The following USP50 variants were observed in gnomAD, a reference collection of about 807,000 sequenced individuals.
USP50 encodes ubiquitin specific peptidase 50, also known as ubiquitin carboxyl-terminal hydrolase 50.
USP50 carries 37 observed loss-of-function variants against 39.2 expected under a neutral mutation model. The ratio of observed to expected loss-of-function variants is 0.94; its 90% CI spans 0.73 to 1.24. USP50 has a LOEUF of 1.24. USP50 is among the 50% of genes most tolerant of loss of function. The probability of loss-of-function intolerance (pLI) is 0.00; values close to 1 mark genes in which losing one functional copy is unlikely to be tolerated. For synonymous variants in USP50, 139 were observed against 144.5 expected (o/e 0.96, Z 0.27); for missense variants, 374 against 398.2 (o/e 0.94, Z 0.52).
chr15:50,498,844 C>T (rs1351203409), downstream of USP50: 28 of 1,549,960 alleles, frequency 1.8e-5, 1 homozygote, highest in East Asian at 9.1e-5. Context: ...AAACTATTGG[C>T]GTATTTTAAA....
chr15:50,505,991 G>A (rs1259364395), intron 6 of USP50: 1 of 152,276 alleles, frequency 6.6e-6, no homozygotes, highest in Non-Finnish European at 1.5e-5. Flanking sequence ...CAGTAGTTCA[G>A]TGATCAGAAT....
intron 6 of USP50, chr15:50,508,416 G>C (rs1251972622): frequency 6.6e-6 from 1 of 152,166 alleles, no homozygotes. Context: ...ATGCATGGCG[G>C]TTTGTTATGC....
Position 50,541,081 on chromosome 15 carries a change from G to T in USP50, c.628C>A (p.Pro210Thr). 1 of 1,613,870 alleles carries T rather than the reference G, an allele frequency of 6.2e-7. No homozygotes were observed. The highest frequency in any genetic ancestry group is 8.5e-7 in the Non-Finnish European group (1 of 1,179,812). The change falls in exon 4 of 7, where the codon CCC becomes ACC. Residue 210 changes from proline to threonine, a missense_variant. Transcript: ENST00000532404. ...GAGCATTCATATTTGGATGGAATGG[G>T]GAGTGAGAAGACAGTGAAGACTTCG... ...KNEVFTVFSL[P>T]IPSKYECSLR...
At chr15:50,520,600 G>A (rs3098189) in intron 6 of USP50, among the ~76,000 whole-genome samples, 40,373 of 151,692 alleles carry the variant, frequency 0.27, 6,441 homozygotes, top group East Asian at 0.57. Flanking sequence ...GCAACTGGCC[G>A]ACTCTGTCTC....
At chr15:50,539,308 G>C (rs563375612) in intron 4 of USP50, among the ~76,000 whole-genome samples, 2 of 150,526 alleles carry the variant, frequency 1.3e-5, no homozygotes, top group African/African-American at 4.9e-5. Flanking sequence ...GGGGTGATCT[G>C]CCTACCTTGG....
Position 50,505,245 on chromosome 15 carries a change from A to C in USP50, c.937-4408T>G, listed in dbSNP as rs1340857958. On this transcript the variant is annotated intron_variant, in intron 6 of 6. Transcript: ENST00000532404. ...CAGGGATAAATAAAAATAATACTGC[A>C]GAACAACAGAGACAAAGAGAAAAAG... The C allele has an allele frequency of 2.0e-5, 3 of 152,208 alleles. No homozygotes were observed. In the East Asian group the frequency reaches 5.8e-4, roughly 29 times the overall value. The allele number at this position is 152,208 out of a possible 1,614,324, so 9.4% of individuals were successfully genotyped here.
chr15:50,500,533 A>G (rs931843699), downstream of USP50: 14 of 444,808 alleles, frequency 3.1e-5, no homozygotes, highest in African/African-American at 2.8e-4. Flanking sequence ...TAACATGCCC[A>G]CAAGGCATAA....
chr15:50,511,503 A>T (rs944374784), intron 6 of USP50: 1 of 152,250 alleles, frequency 6.6e-6, no homozygotes, highest in East Asian at 1.9e-4. Context: ...GATGACAGCC[A>T]AAAGTGGAAA....
At chr15:50,496,230 C>G, downstream of USP50, 1 of 646,488 alleles carries the variant, frequency 1.5e-6, no homozygotes, top group Non-Finnish European at 2.6e-6. Flanking sequence ...CCTTGTACTC[C>G]CAGCACTTTG....
At chr15:50,536,320 CA>C (rs1453591683) in intron 5 of USP50, among the ~76,000 whole-genome samples, 1 of 152,122 alleles carries the variant, frequency 6.6e-6, no homozygotes, top group East Asian at 1.9e-4. Flanking sequence ...GTATATTACA[CA>C]TCAGCTTTGA....
At chr15:50,528,142 A>G (rs1242565738) in intron 6 of USP50, among the ~76,000 whole-genome samples, 1 of 149,488 alleles carries the variant, frequency 6.7e-6, no homozygotes, top group Non-Finnish European at 1.5e-5. Flanking sequence ...CCGGGACTCA[A>G]GTGATCCTCC....
chr15:50,544,871 G>A (rs948312319), intron 1 of USP50, 90 bp from the exon 2 acceptor site: 2 of 1,273,026 alleles, frequency 1.6e-6, no homozygotes, highest in African/African-American at 3.0e-5. Context: ...ATGAAATAAA[G>A]AAGAGTTCTT....
downstream of USP50, chr15:50,497,325 G>A: frequency 1.4e-6 from 2 of 1,442,536 alleles, no homozygotes; most frequent in Non-Finnish European, 1.8e-6. Flanking sequence ...CCTGCCATGG[G>A]CACATAACAA....
chr15:50,500,908 G>A (rs1010365913), intron 6 of USP50, 71 bp from the exon 7 acceptor site: 12 of 1,212,048 alleles, frequency 9.9e-6, no homozygotes, highest in Non-Finnish European at 1.4e-5. Context: ...AAATGATAGG[G>A]CCAAGAGATG....
chr15:50,503,735 T>G (rs1382696060), intron 6 of USP50: 3 of 152,228 alleles, frequency 2.0e-5, no homozygotes, highest in Non-Finnish European at 4.4e-5. Context: ...TCTAGGGCAG[T>G]TGCCAGAAGG....
chr15:50,542,516 T>G lies in USP50; in HGVS notation c.444+1082A>C, dbSNP rs187325767. ...TTTTTTTTTTTTCTTGGAGACGGAG[T>G]CTTGCTCTGTCGTCCAGGCTGGAGT... On this transcript the variant is annotated intron_variant, in intron 3 of 6. Transcript: ENST00000532404. Among the ~76,000 whole-genome samples the G allele has an allele frequency of 2.1e-3, 279 of 135,556 alleles. 1 individual carries two copies. The highest frequency in any genetic ancestry group is 7.2e-3 in the African/African-American group (264 of 36,498). 88.9% of individuals were successfully genotyped at this position (135,556 alleles called of 152,430 possible). A position where few individuals can be genotyped will look rare whatever the true frequency, so the allele number is the denominator to read the frequency against.
chr15:50,507,785 T>C (rs1596005121), intron 6 of USP50: 2 of 152,204 alleles, frequency 1.3e-5, no homozygotes, highest in Non-Finnish European at 2.9e-5. Flanking sequence ...AAAGAGTTAG[T>C]TTAGGCCAGG....
At chr15:50,525,154 G>A (rs2052878454) in intron 6 of USP50, among the ~76,000 whole-genome samples, 1 of 152,190 alleles carries the variant, frequency 6.6e-6, no homozygotes, top group South Asian at 2.1e-4. Context: ...ATTATGCTAA[G>A]TGAAATAAGC....
intron 6 of USP50, among the ~76,000 whole-genome samples, chr15:50,515,398 C>A (rs755610455): frequency 6.6e-6 from 1 of 152,044 alleles, no homozygotes; most frequent in Non-Finnish European, 1.5e-5. Flanking sequence ...TGTGCCACCA[C>A]GCCCGGCTAA....
Sources: gnomAD v4.1 joint callset for allele counts (sites outside exome capture counted in the v4.1 genomes callset) on GRCh38, gnomAD v4.1.1 for gene constraint, MANE v1.5 for transcripts, NCBI Gene and HGNC (gene_info 2026-07-23, HGNC 2026-07-21) for gene names.